LZTS3: variants seen among roughly 807,000 people sequenced by gnomAD.
LZTS3 encodes leucine zipper tumor suppressor family member 3.
A neutral mutation model predicts 50.9 loss-of-function variants in LZTS3; 16 were observed. The observed-to-expected ratio is 0.31, with a 90% confidence interval of 0.21 to 0.48. The LOEUF (loss-of-function observed/expected upper bound fraction) is 0.48, where lower values mean the gene tolerates loss of function less well. Ranked by LOEUF, LZTS3 falls within the 20% of genes least tolerant of loss-of-function variation. The probability of loss-of-function intolerance (pLI) is 0.99; values close to 1 mark genes in which losing one functional copy is unlikely to be tolerated. For missense variants in LZTS3, 816 were observed against 931.0 expected (o/e 0.88, Z 1.61); for synonymous variants, 408 against 410.6 (o/e 0.99, Z 0.08).
At chr20:3,172,085 C>T (rs1451012011) in intron 1 of LZTS3, among the ~76,000 whole-genome samples, 5 of 152,196 alleles carry the variant, frequency 3.3e-5, no homozygotes, top group Non-Finnish European at 5.9e-5. Flanking sequence ...AGCACCCCTG[C>T]TGGGGGCTCC....
chr20:3,173,310 T>A (rs2066921666), intron 1 of LZTS3, 145 bp downstream of exon 1: 2 of 152,374 alleles, frequency 1.3e-5, no homozygotes, highest in African/African-American at 4.8e-5. Context: ...ATCCGCCTCC[T>A]CTCCGCTCCC....
At position 3,166,931 on chromosome 20, in the gene LZTS3, G is replaced by A. The variant is rs753938197; in HGVS notation, c.233C>T (p.Ala78Val). ...GTAGCGGCCCGGCCTCTCCCTGCTG[G>A]CCCCACTGCCACTGCCTCGGGGGCC... is the stretch of plus-strand genomic sequence containing the variant. Reference protein sequence around the residue: ...FPGPRGSGSGASRERPGRYPS... With the variant: ...FPGPRGSGSGVSRERPGRYPS... Residue 78 changes from alanine (A) to valine (V), a missense_variant, in exon 3 of 5, where the codon GCC (alanine) becomes GTC (valine). Physicochemically the swap from Ala to Val is moderately conservative, Grantham distance 64 (BLOSUM62 0). Around this residue, in one of 3 missense-constraint regions of LZTS3, gnomAD observed 700 missense variants for 769.4 expected, o/e 0.91. Coordinates refer to ENST00000337576, the MANE Select transcript of LZTS3 (RefSeq NM_001365618.1). 3.1e-6 allele frequency: 5 copies of A among 1,609,668 alleles called. No individual in the cohort carries two copies. The South Asian group carries it at 4.4e-5, about 14-fold the overall frequency.
In LZTS3 at chr20:3,166,785, C is replaced by T; in HGVS notation, c.379G>A (p.Gly127Ser). 1 of 1,613,856 alleles carries T rather than the reference C, an allele frequency of 6.2e-7. No homozygotes were observed. Among genetic ancestry groups the T allele is most frequent in the Non-Finnish European group, 8.5e-7 (1 of 1,180,000 alleles). The change falls in exon 3 of 5, where the codon GGC becomes AGC. Residue 127 changes from glycine to serine, a missense_variant. Around this residue, in one of 3 missense-constraint regions of LZTS3, gnomAD observed 700 missense variants for 769.4 expected, o/e 0.91. Coordinates refer to ENST00000337576, the MANE Select transcript of LZTS3 (RefSeq NM_001365618.1). Reference sequence around the variant, plus strand: ...TACTGCGGTGGGGCTTTGTCACTGCCACCACTGCTGCTGCTGCCTCCGCTG... The same window carrying T: ...TACTGCGGTGGGGCTTTGTCACTGCTACCACTGCTGCTGCTGCCTCCGCTG... ...GSSGGSSSSG[G>S]SDKAPPQYRE...
intron 1 of LZTS3, among the ~76,000 whole-genome samples, chr20:3,169,547 A>G (rs2066876783): frequency 6.6e-6 from 1 of 152,182 alleles, no homozygotes; most frequent in Non-Finnish European, 1.5e-5. Flanking sequence ...TGGGGAAAAT[A>G]GTTGCTTTGG....
chr20:3,173,399 G>T (rs1392149229), intron 1 of LZTS3, 56 bp downstream of exon 1: 1 of 152,196 alleles, frequency 6.6e-6, no homozygotes, highest in African/African-American at 2.4e-5. Flanking sequence ...CAGTGCAGCA[G>T]GCACGGCGGC....
chr20:3,166,341 C>A lies in LZTS3; in HGVS notation c.479G>T (p.Arg160Leu). Residue 160 changes from arginine (R) to leucine (L), a missense_variant, in exon 4 of 5, where the codon CGG becomes CTG. Arg to Leu is a moderately radical substitution (Grantham distance 102). Around this residue, in one of 3 missense-constraint regions of LZTS3, gnomAD observed 700 missense variants for 769.4 expected, o/e 0.91. Coordinates refer to ENST00000337576, the MANE Select transcript of LZTS3 (RefSeq NM_001365618.1). ...KLDQCSEPLV[R>L]PSAFKPVVPK... Reference sequence around the variant, plus strand: ...TACGACAGGCTTGAAGGCCGACGGCCGAACTAGTGGTTCTGAGCACTGCAG... The same window carrying A: ...TACGACAGGCTTGAAGGCCGACGGCAGAACTAGTGGTTCTGAGCACTGCAG... The A allele has an allele frequency of 6.2e-7, 1 of 1,610,432 alleles. No individual in the cohort carries two copies.
Position 3,165,402 on chromosome 20 carries a change from C to A in LZTS3, c.1323+95G>T, listed in dbSNP as rs559836212. 2.4e-6 allele frequency: 3 copies of A among 1,264,272 alleles called. No individual in the cohort carries two copies. Among genetic ancestry groups the A allele is most frequent in the South Asian group, 1.5e-5 (1 of 67,156 alleles). 78.3% of individuals were successfully genotyped at this position (1,264,272 alleles called of 1,614,324 possible). On this transcript the variant is annotated intron_variant, in intron 4 of 4. Coordinates refer to ENST00000337576, the MANE Select transcript of LZTS3 (RefSeq NM_001365618.1). The surrounding 1 kb of genome is among the most constrained non-coding windows in gnomAD (Gnocchi z 5.0). ...CCCCTGCTCCTTTCATCCCCCCCCC[C>A]ATCCCACCGTTATGATAGTGAGGGG...
At position 3,165,425 on chromosome 20, in the gene LZTS3, G is replaced by A; in HGVS notation, c.1323+72C>T. The A allele has an allele frequency of 1.2e-5, 17 of 1,367,742 alleles. No individual in the cohort carries two copies. The highest frequency in any genetic ancestry group is 1.7e-5 in the Non-Finnish European group (17 of 1,019,508). The allele number at this position is 1,367,742 out of a possible 1,614,324, so 84.7% of individuals were successfully genotyped here. A position where few individuals can be genotyped will look rare whatever the true frequency, so the allele number is the denominator to read the frequency against. On this transcript the variant is annotated intron_variant, in intron 4 of 4. Coordinates refer to ENST00000337576, the MANE Select transcript of LZTS3 (RefSeq NM_001365618.1). This position sits in a 1 kb window ranked among gnomAD's most constrained non-coding sequence, Gnocchi z 5.0. The stretch of plus-strand genomic sequence containing the variant: ...CCCATCCCACCGTTATGATAGTGAG[G>A]GGCAACTGCTCTGGGGTTTCCCAGA...
Position 3,167,088 on chromosome 20 carries a change from AG to A in LZTS3, c.75del (p.Ser26ProfsTer27). 1 of 1,541,730 alleles carries A rather than the reference AG, an allele frequency of 6.5e-7. No individual in the cohort carries two copies. Among genetic ancestry groups the A allele is most frequent in the Non-Finnish European group, 8.7e-7 (1 of 1,146,752 alleles). The stretch of plus-strand genomic sequence containing the variant: ...CGGGGGTCCGGGGGTCCAAGCTCGG[AG>A]GGCCGTGGGGCAAAGGCCAGGAGAG... ...RDPLLAFAPR[P>X]SELGPPDPRL... On this transcript the variant is annotated frameshift_variant, in exon 3 of 5. Coordinates refer to ENST00000337576, the MANE Select transcript of LZTS3 (RefSeq NM_001365618.1). LOFTEE classifies it high-confidence loss of function.
In LZTS3 at chr20:3,164,755, C is replaced by T; in HGVS notation, c.1721G>A (p.Arg574Gln). The change falls in exon 5 of 5, where the codon CGG (arginine) becomes CAG (glutamine). Residue 574 changes from arginine to glutamine, a missense_variant. Transcript: ENST00000337576. ...GGCCTGCAGCCGCCCCACCTCCCGC[C>T]GCAGGGCCCGCGTCCCGCTCTCCCC... ...AGGESGTRALRREVGRLQAEL... is the reference protein window; with the variant it reads ...AGGESGTRALQREVGRLQAEL... The T allele has an allele frequency of 3.8e-5, 58 of 1,518,916 alleles. No individual in the cohort carries two copies. Among genetic ancestry groups the T allele is most frequent in the Non-Finnish European group, 4.9e-5 (56 of 1,136,654 alleles). The allele number at this position is 1,518,916 out of a possible 1,614,324, so 94.1% of individuals were successfully genotyped here.
In LZTS3 at chr20:3,164,569, CT is replaced by C; in HGVS notation, c.1906del (p.Arg636GlyfsTer47). 1 of 1,610,698 alleles carries C rather than the reference CT, an allele frequency of 6.2e-7. No homozygotes were observed. The highest frequency in any genetic ancestry group is 8.5e-7 in the Non-Finnish European group (1 of 1,178,544). On this transcript the variant is annotated frameshift_variant, in exon 5 of 5. Transcript: ENST00000337576. LOFTEE classifies it high-confidence loss of function. ...CCCTGCGGCCCCGCGCTCCCGCAGC[CT>C]GCGCTCCAGCTGCTGGTTGCGCTGG... ...MYQRNQQLER[R>X]LRERGAAGGA...
chr20:3,173,098 C>A (rs1167129301), intron 1 of LZTS3, among the ~76,000 whole-genome samples: 2 of 152,200 alleles, frequency 1.3e-5, no homozygotes, highest in East Asian at 1.9e-4. Context: ...GCCCGCAGAG[C>A]CAACTGATAG....
intron 1 of LZTS3, among the ~76,000 whole-genome samples, chr20:3,170,953 C>T (rs761536075): frequency 7.9e-5 from 12 of 152,032 alleles, no homozygotes; most frequent in Non-Finnish European, 1.3e-4. Context: ...TTAAAATTAA[C>T]CATGGTAGAA....
At position 3,165,499 on chromosome 20, in the gene LZTS3, C is replaced by G. The variant is rs774798381; in HGVS notation, c.1321G>C (p.Glu441Gln). ...FLPRIEETKW[E>Q]VCQKAGEISL... The stretch of plus-strand genomic sequence containing the variant: ...AGGCCCAGATCCCCAGCCCGCACCT[C>G]CCACTTAGTTTCCTCTATCCGGGGC... Residue 441 changes from glutamate (E) to glutamine (Q), a missense_variant and splice_region_variant, in exon 4 of 5, where the codon GAG becomes CAG. By Grantham distance (29) the Glu-to-Gln change is conservative (BLOSUM62 2). Coordinates refer to ENST00000337576, the MANE Select transcript of LZTS3 (RefSeq NM_001365618.1). This position sits in a 1 kb window ranked among gnomAD's most constrained non-coding sequence, Gnocchi z 5.0. 6.5e-7 allele frequency: 1 copy of G among 1,531,442 alleles called. No homozygotes were observed. The highest frequency in any genetic ancestry group is 2.3e-5 in the East Asian group (1 of 44,138). 94.9% of individuals were successfully genotyped at this position (1,531,442 alleles called of 1,614,324 possible). A position where few individuals can be genotyped will look rare whatever the true frequency, so the allele number is the denominator to read the frequency against.
Position 3,164,372 on chromosome 20 carries a change from G to C in LZTS3, c.*82C>G. 3 of 1,410,824 alleles carry C rather than the reference G, an allele frequency of 2.1e-6. No individual in the cohort carries two copies. Among genetic ancestry groups the C allele is most frequent in the Non-Finnish European group, 2.8e-6 (3 of 1,055,958 alleles). 87.4% of individuals were successfully genotyped at this position (1,410,824 alleles called of 1,614,324 possible). On this transcript the variant is annotated 3_prime_UTR_variant, in exon 5 of 5. Coordinates refer to ENST00000337576, the MANE Select transcript of LZTS3 (RefSeq NM_001365618.1). Reference sequence around the variant, plus strand: ...GGTCTGGGGTTATGGGGTCTATGGGGAAGAGAGATGGAGGGGAGGGGACAC... The same window carrying C: ...GGTCTGGGGTTATGGGGTCTATGGGCAAGAGAGATGGAGGGGAGGGGACAC...
At chr20:3,167,676 G>A (rs963536152) in intron 2 of LZTS3, 62 bp downstream of exon 2, 2 of 986,798 alleles carry the variant, frequency 2.0e-6, no homozygotes, top group Admixed American at 6.1e-5. Context: ...GAAATTAGGG[G>A]AGGGAGAGAA....
In LZTS3 at chr20:3,167,125, T is replaced by G; in HGVS notation, c.39A>C (p.Pro13=). The G allele has an allele frequency of 6.6e-7, 1 of 1,503,864 alleles. No homozygotes were observed. The highest frequency in any genetic ancestry group is 8.8e-7 in the Non-Finnish European group (1 of 1,130,406). 93.2% of individuals were successfully genotyped at this position (1,503,864 alleles called of 1,614,324 possible). The part of the protein sequence containing the change: ...KLETLPVRAD[P]GRDPLLAFAP... ...CAAAGGCCAGGAGAGGATCCCGCCC[T>G]GGGTCAGCGCGCACAGGCAGCGTCT... The change falls in exon 3 of 5, where the codon CCA becomes CCC. Residue 13 remains proline (P), a synonymous_variant. Coordinates refer to ENST00000337576, the MANE Select transcript of LZTS3 (RefSeq NM_001365618.1).
At chr20:3,171,039 T>TAG (rs1277759567) in intron 1 of LZTS3, among the ~76,000 whole-genome samples, 20 of 152,332 alleles carry the variant, frequency 1.3e-4, no homozygotes, top group African/African-American at 4.6e-4. Flanking sequence ...GCAAGGTGAC[T>TAG]GCACCAGATA....
In LZTS3 at chr20:3,171,557, CG is replaced by C. The variant is rs955505544; in HGVS notation, c.-243+1897del. ...GTGCGTGTCTGTAATCCCAGCTACT[CG>C]GGAGGCTGAGGCATGAGAATCGCTT... On this transcript the variant is annotated intron_variant, in intron 1 of 4. Transcript: ENST00000337576. 4.0e-5 allele frequency among the ~76,000 whole-genome samples: 6 copies of C among 151,092 alleles called. No homozygotes were observed. The Admixed American group carries it at 4.0e-4, about 10-fold the overall frequency.
Sources: gnomAD v4.1 joint callset for allele counts (sites outside exome capture counted in the v4.1 genomes callset) on GRCh38, gnomAD v4.1.1 for gene constraint, gnomAD v4.1.1 regional missense constraint, Gnocchi (gnomAD v3.1) non-coding constraint, MANE v1.5 for transcripts, NCBI Gene and HGNC (gene_info 2026-07-23, HGNC 2026-07-21) for gene names.